GCN1: variants seen among roughly 807,000 people sequenced by gnomAD.
The protein encoded by GCN1 is GCN1 activator of EIF2AK4.
A neutral mutation model predicts 288.4 loss-of-function variants in GCN1; 90 were observed. That is an observed-to-expected ratio of 0.31 (90% confidence interval 0.26 to 0.37). The LOEUF (loss-of-function observed/expected upper bound fraction) is 0.37. GCN1 is among the 10% of genes least tolerant of loss of function. The pLI is 1.00. For synonymous variants in GCN1, 1,386 were observed against 1,420.2 expected, an observed-to-expected ratio of 0.98 and a Z score of 0.54; for missense variants, 2,586 against 3,419.9, an observed-to-expected ratio of 0.76 and a Z score of 6.08.
At chr12:120,130,379 A>G (rs557398622) in intron 56 of GCN1, among the ~76,000 whole-genome samples, 1 of 152,336 alleles carries the variant, frequency 6.6e-6, no homozygotes, top group East Asian at 1.9e-4. Flanking sequence ...CGGTGCCTAG[A>G]AAGAATGCCT....
intron 2 of GCN1, among the ~76,000 whole-genome samples, chr12:120,185,840 C>A (rs1304915807): frequency 1.3e-5 from 2 of 152,062 alleles, no homozygotes; most frequent in Admixed American, 1.3e-4. Context: ...ACCTTGTGAT[C>A]CACCTGCCTC....
chr12:120,145,349 C>T lies in GCN1; in HGVS notation c.4948-19G>A, dbSNP rs748793479. Reference sequence around the variant, plus strand: ...CCAAGTCCTGCAACAACACAGGAGGCGGCTCAGGTGAGGCCCGACTCCTGC... The same window carrying T: ...CCAAGTCCTGCAACAACACAGGAGGTGGCTCAGGTGAGGCCCGACTCCTGC... On this transcript the variant is annotated intron_variant, in intron 38 of 57. Coordinates refer to ENST00000300648, the MANE Select transcript of GCN1 (RefSeq NM_006836.2). 8 of 1,550,588 alleles carry T rather than the reference C, an allele frequency of 5.2e-6. No homozygotes were observed. The highest frequency in any genetic ancestry group is 4.0e-5 in the Admixed American group (2 of 50,206).
Position 120,172,750 on chromosome 12 carries a change from C to A in GCN1, c.1366+903G>T, listed in dbSNP as rs553502723. Among the ~76,000 whole-genome samples the A allele has an allele frequency of 7.2e-5, 11 of 152,336 alleles. No individual in the cohort carries two copies. The South Asian group carries it at 2.3e-3, about 32-fold the overall frequency. On this transcript the variant is annotated intron_variant, in intron 14 of 57. Transcript: ENST00000300648. ...TCACGAACTCCTGACCTCAGGTGAT[C>A]CAACCGCCTCGGCCTCCCAAAGTGC...
At position 120,144,391 on chromosome 12, in the gene GCN1, C is replaced by A; in HGVS notation, c.5410G>T (p.Val1804Phe). ...RDTALRAGQRVISMYAETAIA... is the reference protein window; with the variant it reads ...RDTALRAGQRFISMYAETAIA... ...GCTGTCTCAGCGTACATGGAGATAA[C>A]CCGCTGGCCCGCGCGCAGGGCGGTG... Residue 1804 changes from valine to phenylalanine, a missense_variant, in exon 42 of 58, where the codon GTT (valine) becomes TTT (phenylalanine). Physicochemically the swap from Val to Phe is conservative, Grantham distance 50 (BLOSUM62 -1). This residue lies in a region of GCN1 where 371 missense variants were observed against 572.6 expected (regional missense o/e 0.65). Transcript: ENST00000300648. This position sits in a 1 kb window ranked among gnomAD's most constrained non-coding sequence, Gnocchi z 4.7. The A allele has an allele frequency of 2.5e-5, 40 of 1,614,210 alleles. No homozygotes were observed. The highest frequency in any genetic ancestry group is 3.3e-5 in the Non-Finnish European group (39 of 1,179,998).
rs371598826 is a variant in GCN1 at position 120,138,410 on chromosome 12, G to A, written c.6162C>T (p.Asp2054=). ...ILPFLLKQLD[D]EEVSEFALDG... ...CCAAGGCAAACTCTGACACCTCCTC[G>A]TCATCCTGCAGAGGGTGTTGGGGAC... Residue 2054 remains aspartate, a synonymous_variant, in exon 47 of 58, where the codon GAC becomes GAT. Transcript: ENST00000300648. 127 of 1,594,068 alleles carry A rather than the reference G, an allele frequency of 8.0e-5. No individual in the cohort carries two copies. Among genetic ancestry groups the A allele is most frequent in the Non-Finnish European group, 9.8e-5 (114 of 1,161,792 alleles).
rs780399060 is a variant in GCN1 at position 120,177,749 on chromosome 12, C to T, written c.664G>A (p.Ala222Thr). The T allele has an allele frequency of 5.0e-6, 8 of 1,609,428 alleles. No homozygotes were observed. Among genetic ancestry groups the T allele is most frequent in the African/African-American group, 1.3e-5 (1 of 74,812 alleles). ...TTCTTCATGTAAAAGTCCAGTAGGG[C>T]GCTCTAGAGAACACAAAGCTCTGGT... is the stretch of plus-strand genomic sequence containing the variant. ...EMDVVSQHKSALLDFYMKNIL... is the reference protein window; with the variant it reads ...EMDVVSQHKSTLLDFYMKNIL... The change falls in exon 8 of 58, where the codon GCC becomes ACC. Residue 222 changes from alanine to threonine, a missense_variant. Physicochemically the swap from Ala to Thr is moderately conservative, Grantham distance 58. Around this residue, in one of 8 missense-constraint regions of GCN1, gnomAD observed 913 missense variants for 1,107.0 expected, o/e 0.82. Transcript: ENST00000300648.
At chr12:120,141,089 C>A in intron 44 of GCN1, 66 bp from the exon 45 acceptor site, 1 of 1,394,862 alleles carries the variant, frequency 7.2e-7, no homozygotes, top group East Asian at 2.3e-5. Flanking sequence ...GAGGAGGACT[C>A]CAGAATGAGG....
rs1461479673 is a variant in GCN1 at position 120,155,064 on chromosome 12, G to A, written c.3631-24C>T. The A allele has an allele frequency of 6.2e-7, 1 of 1,601,510 alleles. No individual in the cohort carries two copies. Among genetic ancestry groups the A allele is most frequent in the Non-Finnish European group, 8.6e-7 (1 of 1,168,556 alleles). The stretch of plus-strand genomic sequence containing the variant: ...CGCTGCAACAGACAAGTTGGTAAAT[G>A]CTTTGCAACGGGCAGATCAATGACC... On this transcript the variant is annotated intron_variant, in intron 30 of 57. Coordinates refer to ENST00000300648, the MANE Select transcript of GCN1 (RefSeq NM_006836.2). This position sits in a 1 kb window ranked among gnomAD's most constrained non-coding sequence, Gnocchi z 4.9.
At chr12:120,139,032 G>A (rs757372265) in intron 45 of GCN1, 176 bp from the exon 46 acceptor site, 15 of 516,366 alleles carry the variant, frequency 2.9e-5, no homozygotes, top group Middle Eastern at 5.5e-4. Context: ...AGAAGGGGCC[G>A]GGCACGGTGG....
intron 9 of GCN1, among the ~76,000 whole-genome samples, chr12:120,177,167 A>C (rs568027457): frequency 8.2e-4 from 125 of 152,180 alleles, no homozygotes; most frequent in African/African-American, 2.9e-3. Context: ...GGCTCAAGCT[A>C]TCCTCCCACA....
At chr12:120,164,976 TATACATATACATATATACACATATATAC>T (rs1195866018) in intron 16 of GCN1, among the ~76,000 whole-genome samples, 3 of 145,908 alleles carry the variant, frequency 2.1e-5, no homozygotes, top group Non-Finnish European at 4.5e-5. Context: ...TACACATATA[TATACATATACATATATACACATATATAC>T]ACACACACAC....
intron 33 of GCN1, among the ~76,000 whole-genome samples, chr12:120,152,146 C>T (rs1189501880): frequency 6.6e-6 from 1 of 152,040 alleles, no homozygotes; most frequent in Admixed American, 6.6e-5. Context: ...CCTATTGCCT[C>T]GGTCTCCTGA....
rs982921976 is a variant in GCN1 at position 120,169,356 on chromosome 12, G to C, written c.1519+813C>G. 1.4e-4 allele frequency among the ~76,000 whole-genome samples: 21 copies of C among 145,966 alleles called. 1 individual carries two copies. The highest frequency in any genetic ancestry group is 6.4e-4 in the South Asian group (3 of 4,716). On this transcript the variant is annotated intron_variant, in intron 15 of 57. Coordinates refer to ENST00000300648, the MANE Select transcript of GCN1 (RefSeq NM_006836.2). ...TGTAGCCACAAAAAATAATGAGAAA[G>C]CTCTTTCTGATGTACTGATTTGGAA...
rs1163943813 is a variant in GCN1 at position 120,144,910 on chromosome 12, G to A, written c.5155+13C>T. ...CATTCCCAGGCTGGCCACTGGACCT[G>A]CTCTGGCCTTACCCTGTGCAGCGCC... On this transcript the variant is annotated intron_variant, in intron 40 of 57. Transcript: ENST00000300648. The surrounding 1 kb of genome is among the most constrained non-coding windows in gnomAD (Gnocchi z 4.7). 8 of 1,614,182 alleles carry A rather than the reference G, an allele frequency of 5.0e-6. No individual in the cohort carries two copies. Among genetic ancestry groups the A allele is most frequent in the Non-Finnish European group, 6.8e-6 (8 of 1,180,026 alleles).
intron 5 of GCN1, 116 bp downstream of exon 5, chr12:120,183,453 G>T: frequency 1.4e-6 from 1 of 720,676 alleles, no homozygotes; most frequent in South Asian, 1.5e-5. Context: ...GGACAACTCA[G>T]AGTGTCTGGT....
At chr12:120,192,554 C>T (rs1476545475) in intron 1 of GCN1, among the ~76,000 whole-genome samples, 5 of 150,758 alleles carry the variant, frequency 3.3e-5, no homozygotes. Context: ...GGTGAAACCG[C>T]GTCTCTACTA....
Position 120,153,500 on chromosome 12 carries a change from G to A in GCN1, c.3868-93C>T, listed in dbSNP as rs1410092044. 31 of 1,179,582 alleles carry A rather than the reference G, an allele frequency of 2.6e-5. No individual in the cohort carries two copies. The highest frequency in any genetic ancestry group is 3.6e-5 in the Non-Finnish European group (30 of 834,280). The allele number at this position is 1,179,582 out of a possible 1,614,324, so 73.1% of individuals were successfully genotyped here. ...GCCCTGAGGACCAAGACCAAGTCTAGCTCTGGGACAGGCATCCTGACATGC... is the reference window on the plus strand; with the variant it reads ...GCCCTGAGGACCAAGACCAAGTCTAACTCTGGGACAGGCATCCTGACATGC... On this transcript the variant is annotated intron_variant, in intron 32 of 57. Transcript: ENST00000300648. The surrounding 1 kb of genome is among the most constrained non-coding windows in gnomAD (Gnocchi z 4.4).
rs1396907882 is a variant in GCN1 at position 120,169,294 on chromosome 12, AAG to A, written c.1519+873_1519+874del. 2.8e-3 allele frequency among the ~76,000 whole-genome samples: 237 copies of A among 84,020 alleles called. 2 individuals carry two copies. Among genetic ancestry groups the A allele is most frequent in the African/African-American group, 0.018 (218 of 11,876 alleles). The allele number at this position is 84,020 out of a possible 152,430, so 55.1% of individuals were successfully genotyped here. On this transcript the variant is annotated intron_variant, in intron 15 of 57. Transcript: ENST00000300648. Reference sequence around the variant, plus strand: ...TCCGTCTCAAAAAAAAAAAAAAAAAAAGAAAAAAAAAAAAGAAAAGAAAGCCT... The same window carrying A: ...TCCGTCTCAAAAAAAAAAAAAAAAAAAAAAAAAAAAAAGAAAAGAAAGCCT...
chr12:120,181,331 C>G (rs1878650808), intron 5 of GCN1, among the ~76,000 whole-genome samples: 1 of 151,016 alleles, frequency 6.6e-6, no homozygotes, highest in South Asian at 2.1e-4. Flanking sequence ...CAGGCATACA[C>G]CAGCATGCCT....
Sources: allele counts gnomAD v4.1 joint callset (sites outside exome capture counted in the v4.1 genomes callset), GRCh38; gene constraint gnomAD v4.1.1; regional missense constraint gnomAD v4.1.1; non-coding constraint Gnocchi (gnomAD v3.1); transcripts MANE v1.5; gene names NCBI Gene and HGNC (gene_info 2026-07-23, HGNC 2026-07-21).